The following SPTLC1 variants were observed in gnomAD, a reference collection of about 807,000 sequenced individuals.
SPTLC1 encodes serine palmitoyltransferase 1.
A neutral mutation model predicts 68.9 loss-of-function variants in SPTLC1; 55 were observed. The observed-to-expected ratio is 0.80, with a 90% CI of 0.64 to 1.00. SPTLC1 has a LOEUF of 1.00. SPTLC1 is among the 50% of genes least tolerant of loss of function. The probability of loss-of-function intolerance (pLI) is 0.00; values close to 1 mark genes in which losing one functional copy is unlikely to be tolerated. For missense variants in SPTLC1, 449 were observed against 573.1 expected (o/e 0.78, Z 2.21); for synonymous variants, 197 against 201.6 (o/e 0.98, Z 0.19).
chr9:92,052,467 A>G (rs1029987391), intron 8 of SPTLC1, among the ~76,000 whole-genome samples: 9 of 152,186 alleles, frequency 5.9e-5, no homozygotes, highest in African/African-American at 1.9e-4. Context: ...TGAAAACTAT[A>G]AACTCTTAGG....
chr9:92,062,519 A>G (rs1280074563), intron 6 of SPTLC1, among the ~76,000 whole-genome samples: 2 of 152,162 alleles, frequency 1.3e-5, no homozygotes, highest in African/African-American at 2.4e-5. Flanking sequence ...TTTATAGAAC[A>G]CTCCACCAAA....
chr9:92,100,458 A>T (rs1360258787), intron 3 of SPTLC1, among the ~76,000 whole-genome samples: 1 of 152,220 alleles, frequency 6.6e-6, no homozygotes, highest in Non-Finnish European at 1.5e-5. Context: ...TCTATATCCT[A>T]GAAACAAACT....
intron 12 of SPTLC1, among the ~76,000 whole-genome samples, chr9:92,045,495 TAA>T (rs376327457): frequency 6.0e-4 from 8 of 13,418 alleles, no homozygotes; most frequent in African/African-American, 9.6e-4. Context: ...TAAAGTATAA[TAA>T]AAAAAAAAAA....
At position 92,087,919 on chromosome 9, in the gene SPTLC1, G is replaced by T. The variant is rs374644676; in HGVS notation, c.261-6956C>A. Among the ~76,000 whole-genome samples the T allele has an allele frequency of 1.1e-3, 167 of 152,380 alleles. 6 individuals carry two copies. The South Asian group carries it at 0.028, about 26-fold the overall frequency. On this transcript the variant is annotated intron_variant, in intron 3 of 14. Transcript: ENST00000262554. ...TCCACCCAGTTCGAGCTTCCCGGCTGCTTTGTTTACCTAAGCAAGCCTGGG... is the reference window on the plus strand; with the variant it reads ...TCCACCCAGTTCGAGCTTCCCGGCTTCTTTGTTTACCTAAGCAAGCCTGGG...
intron 3 of SPTLC1, among the ~76,000 whole-genome samples, chr9:92,083,595 T>C (rs1834986257): frequency 6.6e-6 from 1 of 152,232 alleles, no homozygotes; most frequent in South Asian, 2.1e-4. Context: ...GTTCCATTGA[T>C]CTATATCTCT....
intron 1 of SPTLC1, among the ~76,000 whole-genome samples, chr9:92,114,112 A>T (rs1020460135): frequency 2.1e-5 from 3 of 142,610 alleles, no homozygotes; most frequent in African/African-American, 7.7e-5. Flanking sequence ...CGTCTCTATT[A>T]AAAAAAAAAA....
At chr9:92,101,687 A>G (rs537145953) in intron 3 of SPTLC1, among the ~76,000 whole-genome samples, 13 of 147,806 alleles carry the variant, frequency 8.8e-5, no homozygotes, top group African/African-American at 3.3e-4. Flanking sequence ...CACTAGATCA[A>G]ACAAAAGAAT....
chr9:92,047,402 T>A, intron 10 of SPTLC1, 134 bp from the exon 11 acceptor site: 1 of 806,554 alleles, frequency 1.2e-6, no homozygotes, highest in Non-Finnish European at 2.1e-6. Context: ...CAGCCATAAA[T>A]AAACATTATA....
At chr9:92,079,589 T>C in intron 5 of SPTLC1, 1 of 1,593,016 alleles carries the variant, frequency 6.3e-7, no homozygotes, top group Admixed American at 1.7e-5. Flanking sequence ...AAAACTACAC[T>C]GTTTATCCCC....
chr9:92,071,331 C>T (rs1236792035), intron 5 of SPTLC1, among the ~76,000 whole-genome samples: 4 of 152,080 alleles, frequency 2.6e-5, no homozygotes, highest in East Asian at 1.9e-4. Flanking sequence ...ACCCAGGAGG[C>T]GGAGGTTGCA....
chr9:92,090,167 G>C (rs112624881), intron 3 of SPTLC1, among the ~76,000 whole-genome samples: 2,914 of 152,338 alleles, frequency 0.019, 48 homozygotes, highest in Non-Finnish European at 0.03. Flanking sequence ...AATAGGTAAA[G>C]AAGGTGATTC....
chr9:92,046,250 C>T, intron 11 of SPTLC1, 197 bp from the exon 12 acceptor site: 1 of 598,100 alleles, frequency 1.7e-6, no homozygotes, highest in East Asian at 2.8e-5. Flanking sequence ...CCCCTTCTCA[C>T]CTCAGTATCC....
chr9:92,038,100 A>C, intron 13 of SPTLC1, 148 bp downstream of exon 13: 1 of 738,026 alleles, frequency 1.4e-6, no homozygotes, highest in Non-Finnish European at 2.5e-6. Flanking sequence ...TTAGGATTCC[A>C]TGTCAAGAGC....
At chr9:92,066,266 G>A (rs1268680420) in intron 6 of SPTLC1, among the ~76,000 whole-genome samples, 1 of 152,174 alleles carries the variant, frequency 6.6e-6, no homozygotes, top group Non-Finnish European at 1.5e-5. Flanking sequence ...AGGGAGGCTT[G>A]AGAAGCAGGG....
In SPTLC1 at chr9:92,038,448, C is replaced by T; in HGVS notation, c.1137-83G>A. ...ACGGAGAAATAATGTTAGAAGTCCA[C>T]AATGTCAAGGCACAGTGAACGTACA... On this transcript the variant is annotated intron_variant, in intron 12 of 14. Transcript: ENST00000262554. The T allele has an allele frequency of 3.3e-6, 3 of 904,548 alleles. No individual in the cohort carries two copies. In the Admixed American group the frequency reaches 5.1e-5, roughly 15 times the overall value. The allele number at this position is 904,548 out of a possible 1,614,324, so 56.0% of individuals were successfully genotyped here.
intron 8 of SPTLC1, among the ~76,000 whole-genome samples, chr9:92,052,658 T>C (rs1833746441): frequency 6.6e-6 from 1 of 151,300 alleles, no homozygotes; most frequent in South Asian, 2.1e-4. Flanking sequence ...GCCTCCCGAG[T>C]AGCTGGGATT....
At chr9:92,083,433 G>A (rs1206628825) in intron 3 of SPTLC1, among the ~76,000 whole-genome samples, 4 of 151,426 alleles carry the variant, frequency 2.6e-5, no homozygotes, top group Non-Finnish European at 5.9e-5. Flanking sequence ...TGTAAGGAAG[G>A]GATCCAGTTT....
chr9:92,032,967 T>C (rs747589894), intron 14 of SPTLC1, among the ~76,000 whole-genome samples: 4 of 152,154 alleles, frequency 2.6e-5, no homozygotes, highest in Non-Finnish European at 5.9e-5. Context: ...ATATATGGCC[T>C]GAGAGCCAAA....
In SPTLC1 at chr9:92,041,780, G is replaced by A. The variant is rs563460099; in HGVS notation, c.1137-3415C>T. On this transcript the variant is annotated intron_variant, in intron 12 of 14. Coordinates refer to ENST00000262554, the MANE Select transcript of SPTLC1 (RefSeq NM_006415.4). Reference sequence around the variant, plus strand: ...GAAAAAGATATTATAATGAAGTAACGGTTTTCTCAAGAATGCAAGGATGGT... The same window carrying A: ...GAAAAAGATATTATAATGAAGTAACAGTTTTCTCAAGAATGCAAGGATGGT... 4.3e-4 allele frequency among the ~76,000 whole-genome samples: 66 copies of A among 152,116 alleles called. 1 individual carries two copies. Among genetic ancestry groups the A allele is most frequent in the East Asian group, 9.6e-4 (5 of 5,186 alleles).
Sources: gnomAD v4.1 joint callset for allele counts (sites outside exome capture counted in the v4.1 genomes callset) on GRCh38, gnomAD v4.1.1 for gene constraint, MANE v1.5 for transcripts, NCBI Gene and HGNC (gene_info 2026-07-23, HGNC 2026-07-21) for gene names.